STIM1: variants seen among roughly 807,000 people sequenced by gnomAD.
STIM1 encodes the protein stromal interaction molecule 1.
In STIM1, 25 loss-of-function variants were observed where a neutral mutation model predicts 74.7. The ratio of observed to expected loss-of-function variants is 0.33; its 90% confidence interval spans 0.24 to 0.47. The LOEUF is 0.47. Ranked by LOEUF, STIM1 falls within the 20% of genes least tolerant of loss-of-function variation. The probability of loss-of-function intolerance (pLI) is 1.00; values close to 1 mark genes in which losing one functional copy is unlikely to be tolerated. For synonymous variants in STIM1, 328 were observed against 348.8 expected (o/e 0.94, Z 0.66); for missense variants, 728 against 920.8 (o/e 0.79, Z 2.71).
At position 4,074,564 on chromosome 11, in the gene STIM1, A is replaced by G. The variant is rs781644310; in HGVS notation, c.854A>G (p.Lys285Arg). 1 of 1,614,156 alleles carries G rather than the reference A, an allele frequency of 6.2e-7. No homozygotes were observed. Among genetic ancestry groups the G allele is most frequent in the South Asian group, 1.1e-5 (1 of 91,066 alleles). The change falls in exon 7 of 13, where the codon AAG becomes AGG. Residue 285 changes from lysine (K) to arginine (R), a missense_variant. By Grantham distance (26) the Lys-to-Arg change is conservative. Transcript: ENST00000526596. ...VEVEKVHLEK[K>R]LRDEINLAKQ... ...GTGGAGAAGGTCCATCTGGAAAAGA[A>G]GCTGCGCGATGAGATCAACCTTGCT...
chr11:4,077,852 A>G (rs1474946860), intron 7 of STIM1, among the ~76,000 whole-genome samples: 1 of 152,180 alleles, frequency 6.6e-6, no homozygotes, highest in Non-Finnish European at 1.5e-5. Context: ...TTTCAATTCT[A>G]GAATATCCAC....
intron 1 of STIM1, among the ~76,000 whole-genome samples, chr11:3,954,616 T>C (rs1209365557): frequency 6.6e-6 from 1 of 152,142 alleles, no homozygotes; most frequent in African/African-American, 2.4e-5. Flanking sequence ...TGAGTCAGGA[T>C]CTTTGAAGAA....
intron 1 of STIM1, among the ~76,000 whole-genome samples, chr11:3,934,582 A>G (rs932478041): frequency 1.3e-5 from 2 of 152,228 alleles, no homozygotes; most frequent in African/African-American, 4.8e-5. Flanking sequence ...AGCACAGGGT[A>G]TGAGGGAGAC....
intron 3 of STIM1, among the ~76,000 whole-genome samples, chr11:4,035,225 A>T (rs1468192073): frequency 1.4e-5 from 2 of 147,916 alleles, no homozygotes; most frequent in African/African-American, 4.9e-5. Flanking sequence ...ATCTCCCTTA[A>T]CTACTGCTTT....
chr11:4,012,752 C>CAACA (rs1370876300), intron 2 of STIM1, among the ~76,000 whole-genome samples: 1 of 152,158 alleles, frequency 6.6e-6, no homozygotes, highest in Non-Finnish European at 1.5e-5. Flanking sequence ...CCAGAACTTC[C>CAACA]AACACTATGT....
chr11:3,983,011 A>C (rs1279958284), intron 2 of STIM1, among the ~76,000 whole-genome samples: 2 of 152,114 alleles, frequency 1.3e-5, no homozygotes, highest in African/African-American at 4.8e-5. Flanking sequence ...TGCTCACTGC[A>C]GCCTCCATCT....
intron 1 of STIM1, among the ~76,000 whole-genome samples, chr11:3,917,435 G>GTTTTTT (rs558911615): frequency 7.5e-6 from 1 of 133,324 alleles, no homozygotes; most frequent in African/African-American, 2.8e-5. Context: ...CAGGGTTTCT[G>GTTTTTT]TTTTTTTTTT....
rs541576330 is a variant in STIM1, at chr11:3,896,140, G to C, written c.139+39731G>C. Among the ~76,000 whole-genome samples the C allele has an allele frequency of 4.6e-5, 7 of 152,118 alleles. 1 individual carries two copies. The South Asian group carries it at 1.5e-3, about 32-fold the overall frequency. ...AGGACGGTCTTGATCTCCTGATCTC[G>C]TGATCCGCCCACCTCGGCCTTCCAA... On this transcript the variant is annotated intron_variant, in intron 1 of 12. Transcript: ENST00000526596.
intron 2 of STIM1, among the ~76,000 whole-genome samples, chr11:4,022,364 G>C (rs1167808767): frequency 7.0e-6 from 1 of 143,652 alleles, no homozygotes; most frequent in Non-Finnish European, 1.5e-5. Context: ...AAAGAGAGAA[G>C]ATCATGTTGT....
At chr11:3,922,445 G>C (rs147665846) in intron 1 of STIM1, 2 of 152,102 alleles carry the variant, frequency 1.3e-5, no homozygotes, top group Admixed American at 6.6e-5. Context: ...ATTTGTAGGC[G>C]TTCTTTATGT....
In STIM1 at chr11:4,091,350, C is replaced by A. The variant is rs1169759545; in HGVS notation, c.1703C>A (p.Pro568His). 1 of 1,614,092 alleles carries A rather than the reference C, an allele frequency of 6.2e-7. No individual in the cohort carries two copies. Among genetic ancestry groups the A allele is most frequent in the African/African-American group, 1.3e-5 (1 of 74,924 alleles). ...MSDRQRVAPK[P>H]PQMSRAADEA... ...GACCGCCAGCGTGTGGCCCCCAAAC[C>A]TCCTCAGATGAGCCGTGCTGCAGAC... is the stretch of plus-strand genomic sequence containing the variant. Residue 568 changes from proline (P) to histidine (H), a missense_variant, in exon 13 of 13, where the codon CCT becomes CAT. Around this residue, in one of 5 missense-constraint regions of STIM1, gnomAD observed 352 missense variants for 370.1 expected, o/e 0.95. Transcript: ENST00000526596.
intron 1 of STIM1, among the ~76,000 whole-genome samples, chr11:3,863,164 G>A (rs1385103567): frequency 6.6e-6 from 1 of 151,924 alleles, no homozygotes; most frequent in Non-Finnish European, 1.5e-5. Context: ...AAAGTGTTGG[G>A]ATTACAGGCG....
intron 2 of STIM1, among the ~76,000 whole-genome samples, chr11:3,991,738 C>T (rs1350521153): frequency 8.6e-5 from 13 of 150,580 alleles, no homozygotes; most frequent in Non-Finnish European, 1.8e-4. Flanking sequence ...CACCTGAGGT[C>T]GGGGTTCAAG....
intron 3 of STIM1, among the ~76,000 whole-genome samples, chr11:4,043,800 AG>A (rs2094167931): frequency 6.6e-6 from 1 of 151,924 alleles, no homozygotes; most frequent in Non-Finnish European, 1.5e-5. Context: ...GCGGATCACG[AG>A]GTCAGGAGAT....
intron 10 of STIM1, 102 bp downstream of exon 10, chr11:4,083,600 C>A: frequency 1.8e-6 from 2 of 1,117,678 alleles, no homozygotes; most frequent in Non-Finnish European, 1.3e-6. Context: ...GGCAGATACC[C>A]AGGAAGATAG....
Position 4,019,633 on chromosome 11 carries a change from A to G in STIM1, c.271-4240A>G, listed in dbSNP as rs994103308. Among the ~76,000 whole-genome samples the G allele has an allele frequency of 2.0e-5, 3 of 152,268 alleles. No individual in the cohort carries two copies. In the East Asian group the frequency reaches 5.8e-4, roughly 29 times the overall value. ...AGCGAGACACTGTCTCAAAAACAAC[A>G]ACAACAAAAAACCCCACCAACCAAC... On this transcript the variant is annotated intron_variant, in intron 2 of 12. Transcript: ENST00000526596.
At chr11:3,953,139 T>C (rs1276323799) in intron 1 of STIM1, among the ~76,000 whole-genome samples, 1 of 152,210 alleles carries the variant, frequency 6.6e-6, no homozygotes, top group Non-Finnish European at 1.5e-5. Context: ...AGAAGATGAT[T>C]AGGTTTAGCA....
At chr11:3,978,863 C>T (rs1487531828) in intron 2 of STIM1, among the ~76,000 whole-genome samples, 1 of 152,182 alleles carries the variant, frequency 6.6e-6, no homozygotes, top group East Asian at 1.9e-4. Context: ...TGTGAGAGTT[C>T]GGGAAGCTGG....
rs1565172113 is a variant in STIM1, at chr11:4,086,488, C to T, written c.1579C>T (p.Gln527Ter). The T allele has an allele frequency of 6.2e-7, 1 of 1,614,144 alleles. No homozygotes were observed. The highest frequency in any genetic ancestry group is 8.5e-7 in the Non-Finnish European group (1 of 1,180,016). The change falls in exon 12 of 13, where the codon CAG becomes TAG. Residue 527 changes from glutamine (Q) to a stop codon, truncating the protein, a stop_gained. Coordinates refer to ENST00000526596, the MANE Select transcript of STIM1 (RefSeq NM_001382567.1). LOFTEE classifies it high-confidence loss of function. ...TATTCTCCTTGCAGCCCCTAGCCTG[C>T]AGAGCAGTGTTCGGCAGCGCCTGAC... ...SLWKYPAPSL[Q>*]SSVRQRLTEP...
Sources: gnomAD v4.1 joint callset for allele counts (sites outside exome capture counted in the v4.1 genomes callset) on GRCh38, gnomAD v4.1.1 for gene constraint, gnomAD v4.1.1 regional missense constraint, MANE v1.5 for transcripts, NCBI Gene and HGNC (gene_info 2026-07-23, HGNC 2026-07-21) for gene names.